The following RAB5IF variants were observed in gnomAD, a reference collection of about 807,000 sequenced individuals.
RAB5IF encodes the protein RAB5 interacting factor.
RAB5IF carries 15 observed loss-of-function variants against 20.3 expected under a neutral mutation model. The ratio of observed to expected loss-of-function variants is 0.74; its 90% CI spans 0.50 to 1.14. The LOEUF is 1.14. Among genes scored for constraint, RAB5IF ranks in the 50% most tolerant of loss-of-function variants. RAB5IF has a pLI of 0.00. For missense variants in RAB5IF, 148 were observed against 159.5 expected (o/e 0.93, Z 0.39); for synonymous variants, 67 against 63.7 (o/e 1.05, Z -0.25).
At position 36,606,044 on chromosome 20, in the gene RAB5IF, C is replaced by T. The variant is rs917991748; in HGVS notation, c.93C>T (p.Ser31=). 2.0e-6 allele frequency: 3 copies of T among 1,514,686 alleles called. No individual in the cohort carries two copies. The highest frequency in any genetic ancestry group is 2.7e-5 in the East Asian group (1 of 37,732). The allele number at this position is 1,514,686 out of a possible 1,614,324, so 93.8% of individuals were successfully genotyped here. Residue 31 remains serine (S), a synonymous_variant, in exon 1 of 4, where the codon AGC becomes AGT. Transcript: ENST00000344795. ...CCGTCTGGAGTAAGGTGCTGCGGAGCGACGCGGCCTGGGAGGATAAGGTAC... is the reference window on the plus strand; with the variant it reads ...CCGTCTGGAGTAAGGTGCTGCGGAGTGACGCGGCCTGGGAGGATAAGGTAC... ...KVSVWSKVLR[S]DAAWEDKDEF...
At chr20:36,609,255 A>ACACACACACACACT (rs1568595802) in intron 2 of RAB5IF, among the ~76,000 whole-genome samples, 7 of 116,526 alleles carry the variant, frequency 6.0e-5, no homozygotes, top group Admixed American at 8.2e-5. Context: ...ACACACACAC[A>ACACACACACACACT]CTATATATAG....
rs2039151076 is a variant in RAB5IF at position 36,612,542 on chromosome 20, A to G, written c.*491A>G. ...TGTTTTCACATACTTGAATAAATCA[A>G]ATCTTTAATTGAGAACCTGTTGATG... is the stretch of plus-strand genomic sequence containing the variant. On this transcript the variant is annotated 3_prime_UTR_variant, in exon 4 of 4. Transcript: ENST00000344795. The G allele has an allele frequency of 5.5e-6, 2 of 366,226 alleles. No homozygotes were observed. Among genetic ancestry groups the G allele is most frequent in the Non-Finnish European group, 1.0e-5 (2 of 193,234 alleles). 22.7% of individuals were successfully genotyped at this position (366,226 alleles called of 1,614,324 possible).
Position 36,606,040 on chromosome 20 carries a change from G to A in RAB5IF, c.89G>A (p.Arg30Gln). The A allele has an allele frequency of 1.3e-6, 2 of 1,517,712 alleles. No individual in the cohort carries two copies. The highest frequency in any genetic ancestry group is 8.9e-7 in the Non-Finnish European group (1 of 1,127,846). The allele number at this position is 1,517,712 out of a possible 1,614,324, so 94.0% of individuals were successfully genotyped here. A position where few individuals can be genotyped will look rare whatever the true frequency, so the allele number is the denominator to read the frequency against. ...LKVSVWSKVL[R>Q]SDAAWEDKDE... ...GTCTCCGTCTGGAGTAAGGTGCTGC[G>A]GAGCGACGCGGCCTGGGAGGATAAG... Residue 30 changes from arginine to glutamine, a missense_variant, in exon 1 of 4, where the codon CGG (arginine) becomes CAG (glutamine). Arg to Gln is a conservative substitution (Grantham distance 43). Transcript: ENST00000344795.
intron 2 of RAB5IF, among the ~76,000 whole-genome samples, chr20:36,609,164 C>CTT (rs2039015889): frequency 6.0e-5 from 3 of 49,704 alleles, no homozygotes; most frequent in Non-Finnish European, 1.3e-4. Context: ...ATTACACACA[C>CTT]ACACACACAC....
Position 36,612,195 on chromosome 20 carries a change from CA to C in RAB5IF, c.*145del. ...GACCGCGAATCAGTGTGTTGGGCATCAGTGTTTTCTGCAAGGGTTGTGACCT... is the reference window on the plus strand; with the variant it reads ...GACCGCGAATCAGTGTGTTGGGCATCGTGTTTTCTGCAAGGGTTGTGACCT... On this transcript the variant is annotated 3_prime_UTR_variant, in exon 4 of 4. Coordinates refer to ENST00000344795, the MANE Select transcript of RAB5IF (RefSeq NM_018840.5). 6.2e-7 allele frequency: 1 copy of C among 1,614,218 alleles called. No homozygotes were observed. Among genetic ancestry groups the C allele is most frequent in the Non-Finnish European group, 8.5e-7 (1 of 1,180,052 alleles).
chr20:36,608,027 C>G, intron 2 of RAB5IF: 2 of 1,373,896 alleles, frequency 1.5e-6, no homozygotes, highest in Non-Finnish European at 2.0e-6. Context: ...TCCTGCCTTC[C>G]TGAAGGCTGG....
intron 2 of RAB5IF, among the ~76,000 whole-genome samples, chr20:36,608,563 T>TC: frequency 6.7e-6 from 1 of 149,070 alleles, no homozygotes; most frequent in East Asian, 2.0e-4. Flanking sequence ...ATTCTTTTTT[T>TC]TTTTTTTTTT....
intron 2 of RAB5IF, among the ~76,000 whole-genome samples, chr20:36,608,962 A>G (rs566178908): frequency 6.6e-6 from 1 of 151,912 alleles, no homozygotes; most frequent in Admixed American, 6.6e-5. Context: ...GTGGATATCC[A>G]GAAATGGTCT....
intron 3 of RAB5IF, among the ~76,000 whole-genome samples, chr20:36,611,632 G>A (rs2039122776): frequency 6.6e-6 from 1 of 152,000 alleles, no homozygotes; most frequent in Non-Finnish European, 1.5e-5. Context: ...GGGTAGCCAA[G>A]GTTTGAGAAT....
At chr20:36,609,262 A>T in intron 2 of RAB5IF, among the ~76,000 whole-genome samples, 1 of 127,352 alleles carries the variant, frequency 7.9e-6, no homozygotes, top group Non-Finnish European at 1.7e-5. Flanking sequence ...CACACTATAT[A>T]TAGAGTTTCG....
chr20:36,609,181 A>AC (rs2039020529), intron 2 of RAB5IF, among the ~76,000 whole-genome samples: 1 of 39,012 alleles, frequency 2.6e-5, no homozygotes, highest in East Asian at 6.9e-4. Flanking sequence ...ACACACACAC[A>AC]CACACACACA....
Position 36,612,428 on chromosome 20 carries a change from C to T in RAB5IF, c.*377C>T, listed in dbSNP as rs1380094851. 8.3e-6 allele frequency: 5 copies of T among 604,916 alleles called. No individual in the cohort carries two copies. The highest frequency in any genetic ancestry group is 1.9e-5 in the African/African-American group (1 of 53,708). 37.5% of individuals were successfully genotyped at this position (604,916 alleles called of 1,614,324 possible). A position where few individuals can be genotyped will look rare whatever the true frequency, so the allele number is the denominator to read the frequency against. On this transcript the variant is annotated 3_prime_UTR_variant, in exon 4 of 4. Transcript: ENST00000344795. ...TGTAGAGTTTTTAAACTATCAATGGCATTTCAAGTCTTCTGAAACAGCATG... is the reference window on the plus strand; with the variant it reads ...TGTAGAGTTTTTAAACTATCAATGGTATTTCAAGTCTTCTGAAACAGCATG...
In RAB5IF at chr20:36,612,034, GC is replaced by G; in HGVS notation, c.375del (p.Ile126SerfsTer62). ...FMVIWIIFYT[A>X]IHYD ...GGTCATTTGGATCATCTTTTACACT[GC>G]CATCCATTATGACTGATGGTGTACA... On this transcript the variant is annotated frameshift_variant, in exon 4 of 4. Transcript: ENST00000344795. LOFTEE classifies it high-confidence loss of function. 6.2e-7 allele frequency: 1 copy of G among 1,614,166 alleles called. No homozygotes were observed. The highest frequency in any genetic ancestry group is 8.5e-7 in the Non-Finnish European group (1 of 1,180,044).
chr20:36,609,203 G>GCGCACACA (rs2039030281), intron 2 of RAB5IF, among the ~76,000 whole-genome samples: 1 of 34,612 alleles, frequency 2.9e-5, no homozygotes, highest in Non-Finnish European at 5.4e-5. Context: ...ACGCACACAC[G>GCGCACACA]CACACACGCA....
At chr20:36,610,967 G>A (rs570815828) in intron 3 of RAB5IF, among the ~76,000 whole-genome samples, 1 of 152,224 alleles carries the variant, frequency 6.6e-6, no homozygotes, top group South Asian at 2.1e-4. Flanking sequence ...TTGCACAACT[G>A]TTCCTATACA....
In RAB5IF at chr20:36,609,720, C is replaced by T. The variant is rs961124373; in HGVS notation, c.338C>T (p.Ala113Val). ...LTKEGFMTSF[A>V]LFMVIWIIFY... ...AAGGAAGGGTTTATGACCTCTTTTGCCTTGTTCATGGTATGTGTAGCTGAT... is the reference window on the plus strand; with the variant it reads ...AAGGAAGGGTTTATGACCTCTTTTGTCTTGTTCATGGTATGTGTAGCTGAT... Residue 113 changes from alanine to valine, a missense_variant, in exon 3 of 4, where the codon GCC becomes GTC. Ala to Val is a moderately conservative substitution (Grantham distance 64). Coordinates refer to ENST00000344795, the MANE Select transcript of RAB5IF (RefSeq NM_018840.5). The T allele has an allele frequency of 6.2e-7, 1 of 1,614,144 alleles. No homozygotes were observed. The highest frequency in any genetic ancestry group is 8.5e-7 in the Non-Finnish European group (1 of 1,180,022).
intron 2 of RAB5IF, among the ~76,000 whole-genome samples, chr20:36,609,156 TACACACAC>T (rs765034845): frequency 5.9e-4 from 10 of 17,064 alleles, no homozygotes; most frequent in Non-Finnish European, 9.0e-4. Context: ...AGAACTATAT[TACACACAC>T]ACACACACAC....
chr20:36,608,189 C>A, intron 2 of RAB5IF: 1 of 341,680 alleles, frequency 2.9e-6, no homozygotes, highest in South Asian at 2.3e-5. Flanking sequence ...TTCCCTTGTT[C>A]CTGGCACAGT....
chr20:36,609,834 T>A, intron 3 of RAB5IF, 104 bp downstream of exon 3: 4 of 1,606,988 alleles, frequency 2.5e-6, no homozygotes, highest in Non-Finnish European at 3.4e-6. Context: ...AGCAGGGTGC[T>A]ATTTTTCTAA....
Sources: allele counts gnomAD v4.1 joint callset (sites outside exome capture counted in the v4.1 genomes callset), GRCh38; gene constraint gnomAD v4.1.1; transcripts MANE v1.5; gene names NCBI Gene and HGNC (gene_info 2026-07-23, HGNC 2026-07-21).